PRAMEF20: variants seen among roughly 807,000 people sequenced by gnomAD.
PRAMEF20 encodes PRAME family member 20.
PRAMEF20 carries 27 observed loss-of-function variants against 32.4 expected under a neutral mutation model. The observed-to-expected ratio is 0.83, with a 90% CI of 0.61 to 1.15. The LOEUF (loss-of-function observed/expected upper bound fraction) is 1.15, where lower values mean the gene tolerates loss of function less well. Among genes scored for constraint, PRAMEF20 ranks in the 50% most tolerant of loss-of-function variants. The probability of loss-of-function intolerance (pLI) is 0.00; values close to 1 mark genes in which losing one functional copy is unlikely to be tolerated. For synonymous variants in PRAMEF20, 256 were observed against 235.4 expected (o/e 1.09, Z -0.80); for missense variants, 604 against 584.5 (o/e 1.03, Z -0.34).
chr1:13,410,517 G>A, the PRAMEF20 span: 2 of 151,832 alleles, frequency 1.3e-5, no homozygotes. Context: ...TGCAAACTGA[G>A]TCCAGATCTG....
Position 13,418,211 on chromosome 1 carries a change from C to A in PRAMEF20, c.377C>A (p.Pro126Gln), listed in dbSNP as rs1393294173. 3.1e-6 allele frequency: 5 copies of A among 1,613,682 alleles called. No individual in the cohort carries two copies. In the African/African-American group the frequency reaches 6.7e-5, roughly 22 times the overall value. Residue 126 changes from proline to glutamine, a missense_variant, in exon 2 of 3, where the codon CCA (proline) becomes CAA (glutamine). Transcript: ENST00000602960. ...GAAGCCATGGCCCGTAGGTGCTTAC[C>A]AAATGCCATGATGAACAGAAAACCA...
Position 13,416,401 on chromosome 1 carries a change from G to A in PRAMEF20, c.47G>A (p.Ser16Asn), listed in dbSNP as rs756710395. ...AGACTCCTGGAGCTGGCGGGGCGGA[G>A]CCTGCTGAGGGACGAGGCCTTGGCC... Residue 16 changes from serine to asparagine, a missense_variant, in exon 1 of 3, where the codon AGC becomes AAC. Transcript: ENST00000602960. The A allele has an allele frequency of 3.7e-6, 6 of 1,613,546 alleles. No homozygotes were observed. In the African/African-American group the frequency reaches 5.3e-5, roughly 14 times the overall value.
intron 2 of PRAMEF20, 68 bp downstream of exon 3, chr1:13,418,768 C>G: frequency 6.2e-7 from 1 of 1,607,744 alleles, no homozygotes. Context: ...GGGGCATCTA[C>G]TGTGAGCCAG....
intron 2 of PRAMEF20, among the ~76,000 whole-genome samples, chr1:13,419,434 C>G (rs1204915884): frequency 6.6e-6 from 1 of 151,984 alleles, no homozygotes. Context: ...TAGGCGTGAG[C>G]CACCACACCC....
upstream of PRAMEF20, among the ~76,000 whole-genome samples, chr1:13,415,366 G>A (rs1309421268): frequency 1.3e-5 from 2 of 152,052 alleles, no homozygotes; most frequent in Non-Finnish European, 2.9e-5. Context: ...ACAGGCATAA[G>A]TCACCATGCC....
chr1:13,418,345 G>C, exon 2 of PRAMEF20: 1 of 1,613,874 alleles, frequency 6.2e-7, no homozygotes. Flanking sequence ...CTTTCTATGG[G>C]TCAAGCAGAG....
intron 2 of PRAMEF20, 145 bp downstream of exon 3, chr1:13,418,845 T>C: frequency 6.9e-7 from 1 of 1,449,530 alleles, no homozygotes; most frequent in South Asian, 1.3e-5. Flanking sequence ...GAAGTGGGTA[T>C]CACACATTCA....
At chr1:13,419,570 C>T (rs1178601474) in intron 2 of PRAMEF20, among the ~76,000 whole-genome samples, 4 of 151,720 alleles carry the variant, frequency 2.6e-5, no homozygotes, top group African/African-American at 4.8e-5. Flanking sequence ...AACAGGTGCC[C>T]GACACCACGC....
At chr1:13,420,732 C>T in exon 3 of PRAMEF20, 2 of 1,613,750 alleles carry the variant, frequency 1.2e-6, no homozygotes, top group Non-Finnish European at 1.7e-6. Flanking sequence ...CTCGCAATAA[C>T]TAACTGTGTG....
chr1:13,421,003 G>T (rs951372258), exon 3 of PRAMEF20: 1 of 1,613,662 alleles, frequency 6.2e-7, no homozygotes. Context: ...CCATCTCCAC[G>T]GCCACCCTGG....
exon 3 of PRAMEF20, chr1:13,420,954 G>T: frequency 2.5e-6 from 4 of 1,613,638 alleles, no homozygotes; most frequent in South Asian, 1.1e-5. Context: ...GCCCTGAGCC[G>T]CTGCTTTGAG....
chr1:13,421,200 G>T, exon 3 of PRAMEF20: 2 of 1,613,922 alleles, frequency 1.2e-6, no homozygotes, highest in South Asian at 2.2e-5. Flanking sequence ...ACCGACTACT[G>T]CCCTCAGTGT....
At chr1:13,416,563 T>A (rs767188147) in exon 1 of PRAMEF20, 2 of 1,614,100 alleles carry the variant, frequency 1.2e-6, no homozygotes, top group East Asian at 2.2e-5. Context: ...GGGTCTCTGA[T>A]GAAAAGGCCT....
At chr1:13,418,046 T>C (rs1287725596) in intron 1 of PRAMEF20, 76 bp from the exon 3 acceptor site, 1 of 1,608,864 alleles carries the variant, frequency 6.2e-7, no homozygotes, top group Non-Finnish European at 8.5e-7. Flanking sequence ...AGTGCTGGGA[T>C]TACAAGCGTG....
intron 2 of PRAMEF20, among the ~76,000 whole-genome samples, chr1:13,420,024 G>T (rs1008687888): frequency 6.6e-6 from 1 of 152,120 alleles, no homozygotes; most frequent in Admixed American, 6.6e-5. Context: ...CCTGCAGCCT[G>T]CCCACCCCAG....
rs1641239197 is a variant in PRAMEF20, at chr1:13,421,134, C to CT, written c.1305dup (p.Glu436Ter). The CT allele has an allele frequency of 1.9e-6, 3 of 1,613,904 alleles. No individual in the cohort carries two copies. The highest frequency in any genetic ancestry group is 2.5e-6 in the Non-Finnish European group (3 of 1,179,856). ...CGGAGCAGATTTGCCCAACTTGGGGCTGAGCTGATGGGGAGAGTGAGGGCC... is the reference window on the plus strand; with the variant it reads ...CGGAGCAGATTTGCCCAACTTGGGGCTTGAGCTGATGGGGAGAGTGAGGGCC... On this transcript the variant is annotated frameshift_variant, in exon 3 of 3. Coordinates refer to ENST00000602960, the Ensembl canonical transcript of PRAMEF20. LOFTEE classifies it high-confidence loss of function.
chr1:13,412,164 T>C (rs2100427576), upstream of PRAMEF20, among the ~76,000 whole-genome samples: 1 of 152,254 alleles, frequency 6.6e-6, no homozygotes, highest in Non-Finnish European at 1.5e-5. Context: ...ATTAGAGGCA[T>C]GAGCCACCAC....
chr1:13,417,192 T>G (rs1042636784), intron 1 of PRAMEF20, among the ~76,000 whole-genome samples: 1 of 152,122 alleles, frequency 6.6e-6, no homozygotes, highest in East Asian at 1.9e-4. Context: ...CGCTGCTGAC[T>G]GGGGTGGCCA....
At chr1:13,418,155 T>C in exon 2 of PRAMEF20, 1 of 1,613,116 alleles carries the variant, frequency 6.2e-7, no homozygotes, top group Non-Finnish European at 8.5e-7. Context: ...ATTTACAGGA[T>C]GTCAGTGAGA....
Sources: allele counts gnomAD v4.1 joint callset (sites outside exome capture counted in the v4.1 genomes callset), GRCh38; gene constraint gnomAD v4.1.1; transcripts MANE v1.5; gene names NCBI Gene and HGNC (gene_info 2026-07-23, HGNC 2026-07-21).